DPYD: variants seen among roughly 807,000 people sequenced by gnomAD.
The protein encoded by DPYD is dihydropyrimidine dehydrogenase [NADP(+)].
A neutral mutation model predicts 116.2 loss-of-function variants in DPYD; 109 were observed. The observed-to-expected ratio is 0.94, with a 90% confidence interval of 0.80 to 1.10. DPYD has a LOEUF of 1.10. Ranked by LOEUF, DPYD falls within the 50% of genes least tolerant of loss-of-function variation. The pLI is 0.00. For missense variants in DPYD, 1,302 were observed against 1,254.5 expected, an observed-to-expected ratio of 1.04 and a Z score of -0.57; for synonymous variants, 440 against 432.0, an observed-to-expected ratio of 1.02 and a Z score of -0.23.
rs117858928 is a variant in DPYD at position 97,850,997 on chromosome 1, A to G, written c.151-22801T>C. Among the ~76,000 whole-genome samples the G allele has an allele frequency of 9.6e-4, 146 of 152,184 alleles. 3 individuals are homozygous for G. In the East Asian group the frequency reaches 0.025, roughly 26 times the overall value. The stretch of plus-strand genomic sequence containing the variant: ...TTAAATTGTCTATGTAATAAAACAC[A>G]GTAACACATACTATGAAAAGCTGAG... On this transcript the variant is annotated intron_variant, in intron 2 of 22. Coordinates refer to ENST00000370192, the MANE Select transcript of DPYD (RefSeq NM_000110.4).
At chr1:97,400,527 C>A (rs1388933141) in intron 14 of DPYD, among the ~76,000 whole-genome samples, 2 of 152,122 alleles carry the variant, frequency 1.3e-5, no homozygotes, top group East Asian at 3.9e-4. Flanking sequence ...AGGAATAGTA[C>A]CAGCTCCTTC....
intron 18 of DPYD, among the ~76,000 whole-genome samples, chr1:97,288,054 G>A (rs560550372): frequency 1.0e-3 from 158 of 150,746 alleles, no homozygotes; most frequent in Non-Finnish European, 1.9e-3. Flanking sequence ...TGATAAAACA[G>A]ACTTTAAACC....
chr1:97,523,086 C>T (rs1461417116), intron 12 of DPYD, among the ~76,000 whole-genome samples: 2 of 152,098 alleles, frequency 1.3e-5, no homozygotes, highest in African/African-American at 2.4e-5. Context: ...ACCTGGACAT[C>T]ACCATGACCT....
intron 5 of DPYD, among the ~76,000 whole-genome samples, chr1:97,704,931 TC>T (rs1661834590): frequency 6.6e-6 from 1 of 152,030 alleles, no homozygotes; most frequent in South Asian, 2.1e-4. Flanking sequence ...AATATGTATT[TC>T]CCCACAATAA....
intron 20 of DPYD, among the ~76,000 whole-genome samples, chr1:97,175,824 A>G (rs1236081477): frequency 6.6e-6 from 1 of 152,188 alleles, no homozygotes; most frequent in Admixed American, 6.5e-5. Flanking sequence ...CATTTCATAT[A>G]ATTTAGGCTA....
At chr1:97,118,571 T>TTAGAA (rs1316882940) in intron 20 of DPYD, among the ~76,000 whole-genome samples, 2 of 152,196 alleles carry the variant, frequency 1.3e-5, no homozygotes, top group Non-Finnish European at 2.9e-5. Context: ...GCATTGCTGT[T>TTAGAA]TAAGTGCCTG....
At chr1:97,447,416 A>G (rs1324290937) in intron 14 of DPYD, among the ~76,000 whole-genome samples, 3 of 152,222 alleles carry the variant, frequency 2.0e-5, no homozygotes, top group African/African-American at 4.8e-5. Context: ...CAGCATGGCA[A>G]TATCGAGGTG....
chr1:97,734,865 C>T (rs1397468637), intron 4 of DPYD, among the ~76,000 whole-genome samples: 1 of 151,894 alleles, frequency 6.6e-6, no homozygotes, highest in South Asian at 2.1e-4. Flanking sequence ...TAACATAAGA[C>T]TCAATCATAA....
chr1:97,724,861 T>C (rs1360277391), intron 4 of DPYD, among the ~76,000 whole-genome samples: 1 of 144,852 alleles, frequency 6.9e-6, no homozygotes, highest in Non-Finnish European at 1.5e-5. Flanking sequence ...TGCTAGATAA[T>C]TAGGCATAAA....
At chr1:97,488,398 A>T (rs577660966) in intron 13 of DPYD, among the ~76,000 whole-genome samples, 29 of 152,294 alleles carry the variant, frequency 1.9e-4, no homozygotes, top group African/African-American at 6.7e-4. Flanking sequence ...ACTTGATAAA[A>T]CTGCATATAA....
chr1:97,586,851 G>C (rs1407037979), intron 10 of DPYD, among the ~76,000 whole-genome samples: 1 of 151,762 alleles, frequency 6.6e-6, no homozygotes, highest in East Asian at 1.9e-4. Context: ...ATTGCAATTT[G>C]TTTTAAGTGT....
intron 16 of DPYD, among the ~76,000 whole-genome samples, chr1:97,366,996 A>C (rs1263552201): frequency 1.3e-5 from 2 of 152,102 alleles, no homozygotes; most frequent in Non-Finnish European, 2.9e-5. Context: ...TCTCCTCCAC[A>C]GACATCTATG....
intron 14 of DPYD, among the ~76,000 whole-genome samples, chr1:97,413,727 G>T (rs1343470843): frequency 6.6e-6 from 1 of 152,038 alleles, no homozygotes; most frequent in Non-Finnish European, 1.5e-5. Flanking sequence ...TCCCACCTCA[G>T]CCTCCCAAAG....
rs1669757571 is a variant in DPYD at position 97,836,040 on chromosome 1, T to C, written c.151-7844A>G. Among the ~76,000 whole-genome samples the C allele has an allele frequency of 2.0e-5, 3 of 152,324 alleles. No homozygotes were observed. The South Asian group carries it at 6.2e-4, about 32-fold the overall frequency. ...CCCTATAAGGATAAAAAATTTGATG[T>C]AATCTAGAGGCTTTAAACTTAAAAC... On this transcript the variant is annotated intron_variant, in intron 2 of 22. Transcript: ENST00000370192.
intron 16 of DPYD, among the ~76,000 whole-genome samples, chr1:97,341,792 A>G (rs1194972780): frequency 6.6e-6 from 1 of 152,194 alleles, no homozygotes; most frequent in Non-Finnish European, 1.5e-5. Flanking sequence ...TGCAGAATCA[A>G]GTCTTTCCTA....
intron 8 of DPYD, among the ~76,000 whole-genome samples, chr1:97,605,486 T>C (rs1655531323): frequency 6.6e-6 from 1 of 152,064 alleles, no homozygotes; most frequent in Non-Finnish European, 1.5e-5. Context: ...AGTAAGGTGC[T>C]TGCTTCTCCT....
chr1:97,791,647 A>T (rs1045384881), intron 3 of DPYD, among the ~76,000 whole-genome samples: 3 of 152,218 alleles, frequency 2.0e-5, no homozygotes, highest in Non-Finnish European at 4.4e-5. Flanking sequence ...TTACTACTTT[A>T]AAAACTTCTT....
At chr1:97,454,539 T>A (rs1676584321) in intron 13 of DPYD, among the ~76,000 whole-genome samples, 1 of 151,912 alleles carries the variant, frequency 6.6e-6, no homozygotes, top group African/African-American at 2.4e-5. Flanking sequence ...GCATTAACGA[T>A]ATTCAGATAT....
chr1:97,223,344 T>A (rs1343874197), intron 19 of DPYD, among the ~76,000 whole-genome samples: 1 of 151,704 alleles, frequency 6.6e-6, no homozygotes, highest in Non-Finnish European at 1.5e-5. Flanking sequence ...TTCAGGATTT[T>A]CTATTAACTT....
Sources: allele counts gnomAD v4.1 joint callset (sites outside exome capture counted in the v4.1 genomes callset), GRCh38; gene constraint gnomAD v4.1.1; transcripts MANE v1.5; gene names NCBI Gene and HGNC (gene_info 2026-07-23, HGNC 2026-07-21).